The following GALNT7 variants were observed in gnomAD, a reference collection of about 807,000 sequenced individuals.
GALNT7 encodes the protein N-acetylgalactosaminyltransferase 7.
In GALNT7, 60 loss-of-function variants were observed where a neutral mutation model predicts 82.1. The ratio of observed to expected loss-of-function variants is 0.73; its 90% confidence interval spans 0.59 to 0.91. GALNT7 has a LOEUF of 0.91. Among genes scored for constraint, GALNT7 ranks in the 40% least tolerant of loss-of-function variants. The pLI is 0.00. For synonymous variants in GALNT7, 243 were observed against 275.1 expected, an observed-to-expected ratio of 0.88 and a Z score of 1.15; for missense variants, 660 against 804.2, an observed-to-expected ratio of 0.82 and a Z score of 2.17.
In GALNT7 at chr4:173,302,415, A is replaced by G. The variant is rs1736975880; in HGVS notation, c.1266+251A>G. Among the ~76,000 whole-genome samples, 1 of 152,194 alleles carries G rather than the reference A, an allele frequency of 6.6e-6. No individual in the cohort carries two copies. The highest frequency in any genetic ancestry group is 6.5e-5 in the Admixed American group (1 of 15,276). On this transcript the variant is annotated intron_variant, in intron 7 of 11. Transcript: ENST00000265000. This position sits in a 1 kb window ranked among gnomAD's most constrained non-coding sequence, Gnocchi z 4.2. ...GCTAGCAAGCTTTAGAAATGAAAATATCTACCCCCACACCCCAACTTTCTA... is the reference window on the plus strand; with the variant it reads ...GCTAGCAAGCTTTAGAAATGAAAATGTCTACCCCCACACCCCAACTTTCTA...
At chr4:173,199,032 G>T (rs1194658348) in intron 1 of GALNT7, among the ~76,000 whole-genome samples, 1 of 152,208 alleles carries the variant, frequency 6.6e-6, no homozygotes, top group Non-Finnish European at 1.5e-5. Context: ...GTTCTTGAGA[G>T]CACACTTTGA....
rs903930641 is a variant in GALNT7, at chr4:173,318,781, G to T, written c.1836+222G>T. 1.1e-4 allele frequency: 40 copies of T among 372,914 alleles called. 1 individual carries two copies. The highest frequency in any genetic ancestry group is 1.4e-4 in the Non-Finnish European group (28 of 206,900). The allele number at this position is 372,914 out of a possible 1,614,324, so 23.1% of individuals were successfully genotyped here. On this transcript the variant is annotated intron_variant, in intron 11 of 11. Transcript: ENST00000265000. ...TCTTACAATATTGTCATGTAATGAG[G>T]CCACGATGATGTCTATAAAGAGCAC...
At chr4:173,178,049 G>C (rs1561142095) in intron 1 of GALNT7, among the ~76,000 whole-genome samples, 5 of 105,494 alleles carry the variant, frequency 4.7e-5, no homozygotes, top group African/African-American at 2.0e-4. Flanking sequence ...GTGTGTGTGT[G>C]TGTGCGCGCA....
intron 8 of GALNT7, among the ~76,000 whole-genome samples, chr4:173,312,634 A>G (rs891095075): frequency 3.9e-5 from 6 of 152,248 alleles, no homozygotes; most frequent in Non-Finnish European, 8.8e-5. Flanking sequence ...TTATCACTCA[A>G]GTGTGTACCA....
At chr4:173,170,553 A>G (rs1039841868) in intron 1 of GALNT7, among the ~76,000 whole-genome samples, 8 of 152,322 alleles carry the variant, frequency 5.3e-5, no homozygotes, top group Admixed American at 2.0e-4. Context: ...ATCTAAATTG[A>G]TGGTAATAAA....
chr4:173,189,443 G>A (rs1262496792), intron 1 of GALNT7, among the ~76,000 whole-genome samples: 1 of 152,180 alleles, frequency 6.6e-6, no homozygotes, highest in Non-Finnish European at 1.5e-5. Context: ...AGAAATAGAT[G>A]TCCAGTGTAT....
At chr4:173,294,709 A>G (rs1053912126) in intron 3 of GALNT7, among the ~76,000 whole-genome samples, 3 of 152,182 alleles carry the variant, frequency 2.0e-5, no homozygotes, top group African/African-American at 7.2e-5. Context: ...AAAGATGGAA[A>G]TTTTGCCAAA....
At chr4:173,208,323 C>T (rs1733164366) in intron 1 of GALNT7, among the ~76,000 whole-genome samples, 1 of 152,086 alleles carries the variant, frequency 6.6e-6, no homozygotes, top group Non-Finnish European at 1.5e-5. Flanking sequence ...CTATGCACTT[C>T]TTGATAGAAA....
At chr4:173,252,635 C>T (rs73872503) in intron 2 of GALNT7, among the ~76,000 whole-genome samples, 3,344 of 152,228 alleles carry the variant, frequency 0.022, 129 homozygotes, top group African/African-American at 0.076. Flanking sequence ...AACTGGAGGC[C>T]TGCTTCTTTT....
chr4:173,195,084 A>T (rs1316466181), intron 1 of GALNT7, among the ~76,000 whole-genome samples: 1 of 152,220 alleles, frequency 6.6e-6, no homozygotes, highest in African/African-American at 2.4e-5. Flanking sequence ...TAAAGTCTTT[A>T]TAAAGCCATT....
intron 8 of GALNT7, among the ~76,000 whole-genome samples, chr4:173,313,052 C>T (rs1737448599): frequency 6.6e-6 from 1 of 151,470 alleles, no homozygotes; most frequent in South Asian, 2.1e-4. Context: ...GAGTGAGACT[C>T]CATCTCAAAA....
intron 1 of GALNT7, among the ~76,000 whole-genome samples, chr4:173,231,534 C>A (rs1024342934): frequency 1.3e-5 from 2 of 152,182 alleles, no homozygotes; most frequent in African/African-American, 2.4e-5. Flanking sequence ...GATGTATGAT[C>A]TCCTCTCTAA....
At chr4:173,244,401 T>C (rs1410483416) in intron 1 of GALNT7, among the ~76,000 whole-genome samples, 1 of 152,166 alleles carries the variant, frequency 6.6e-6, no homozygotes, top group Non-Finnish European at 1.5e-5. Context: ...AGAAACATGT[T>C]GATGTATGAA....
At chr4:173,171,163 T>C (rs998148728) in intron 1 of GALNT7, among the ~76,000 whole-genome samples, 3 of 152,222 alleles carry the variant, frequency 2.0e-5, no homozygotes, top group African/African-American at 7.2e-5. Flanking sequence ...GTGTAGCTTA[T>C]AAATAATAAG....
At chr4:173,243,971 T>C (rs1253759569) in intron 1 of GALNT7, among the ~76,000 whole-genome samples, 2 of 152,220 alleles carry the variant, frequency 1.3e-5, no homozygotes, top group African/African-American at 4.8e-5. Context: ...TGAGGAATTA[T>C]GTGCCAGGAT....
intron 1 of GALNT7, among the ~76,000 whole-genome samples, chr4:173,183,032 C>A (rs1368092080): frequency 2.0e-5 from 2 of 99,738 alleles, no homozygotes; most frequent in African/African-American, 8.7e-5. Flanking sequence ...TACTCATAAT[C>A]CACACACATA....
intron 2 of GALNT7, among the ~76,000 whole-genome samples, chr4:173,283,890 A>G (rs1443847367): frequency 2.0e-5 from 3 of 152,252 alleles, no homozygotes; most frequent in Admixed American, 6.5e-5. Flanking sequence ...CTATATTGTT[A>G]TAAGTCAAGA....
intron 1 of GALNT7, among the ~76,000 whole-genome samples, chr4:173,221,737 C>T (rs1733651267): frequency 6.6e-6 from 1 of 152,140 alleles, no homozygotes; most frequent in African/African-American, 2.4e-5. Flanking sequence ...GCAGATATCT[C>T]CAGTTTTAAC....
chr4:173,186,759 GA>G (rs901064159), intron 1 of GALNT7, among the ~76,000 whole-genome samples: 7 of 151,890 alleles, frequency 4.6e-5, no homozygotes, highest in Non-Finnish European at 8.8e-5. Flanking sequence ...GGGGAAAGAG[GA>G]AAATATTATT....
Sources: gnomAD v4.1 joint callset for allele counts (sites outside exome capture counted in the v4.1 genomes callset) on GRCh38, gnomAD v4.1.1 for gene constraint, Gnocchi (gnomAD v3.1) non-coding constraint, MANE v1.5 for transcripts, NCBI Gene and HGNC (gene_info 2026-07-23, HGNC 2026-07-21) for gene names.